Variants in PRKCH observed in about 807,000 individuals in gnomAD.
PRKCH encodes the protein protein kinase C eta type.
Under a neutral mutation model 82.5 loss-of-function variants are expected in PRKCH, and 28 were observed. The observed-to-expected ratio is 0.34, with a 90% confidence interval of 0.25 to 0.47. The LOEUF (loss-of-function observed/expected upper bound fraction) is 0.47. Among genes scored for constraint, PRKCH ranks in the 20% least tolerant of loss-of-function variants. PRKCH has a pLI of 1.00. For missense variants in PRKCH, 705 were observed against 881.8 expected (o/e 0.80, Z 2.54); for synonymous variants, 322 against 327.4 (o/e 0.98, Z 0.18).
At chr14:61,366,471 T>C (rs978695091) in intron 1 of PRKCH, among the ~76,000 whole-genome samples, 5 of 152,074 alleles carry the variant, frequency 3.3e-5, no homozygotes, top group African/African-American at 1.2e-4. Flanking sequence ...AGATCCAAAC[T>C]TAGAAGGAAA....
At chr14:61,335,205 A>G (rs1392634426) in intron 1 of PRKCH, among the ~76,000 whole-genome samples, 1 of 152,098 alleles carries the variant, frequency 6.6e-6, no homozygotes, top group East Asian at 1.9e-4. Flanking sequence ...AAAGTTTCTT[A>G]GGGGTGGGGT....
chr14:61,476,306 T>G (rs1885725101), intron 9 of PRKCH: 1 of 152,196 alleles, frequency 6.6e-6, no homozygotes, highest in Admixed American at 6.5e-5. Flanking sequence ...ATATCTCACT[T>G]AGTATCTGGG....
intron 10 of PRKCH, among the ~76,000 whole-genome samples, chr14:61,491,402 T>G (rs1028902266): frequency 1.3e-5 from 2 of 152,172 alleles, no homozygotes; most frequent in African/African-American, 4.8e-5. Context: ...ATGCCAGCCA[T>G]GGGAATGCTC....
At chr14:61,536,084 C>A (rs949722687) in intron 12 of PRKCH, among the ~76,000 whole-genome samples, 2 of 152,170 alleles carry the variant, frequency 1.3e-5, no homozygotes, top group African/African-American at 4.8e-5. Flanking sequence ...ACAGAAAGAG[C>A]TAATGATGTG....
At chr14:61,364,503 G>A (rs1014850137) in intron 1 of PRKCH, among the ~76,000 whole-genome samples, 3 of 151,942 alleles carry the variant, frequency 2.0e-5, no homozygotes, top group Admixed American at 6.6e-5. Flanking sequence ...GAAAGAAGGT[G>A]TGAGGACGTG....
intron 10 of PRKCH, 39 bp downstream of exon 10, chr14:61,485,695 C>T (rs755734204): frequency 3.1e-6 from 5 of 1,590,354 alleles, no homozygotes; most frequent in African/African-American, 1.3e-5. Context: ...AATTCACTGC[C>T]TCTTCCCTCT....
At chr14:61,360,138 T>C (rs1328551982) in intron 1 of PRKCH, among the ~76,000 whole-genome samples, 2 of 152,254 alleles carry the variant, frequency 1.3e-5, no homozygotes, top group African/African-American at 4.8e-5. Flanking sequence ...TGTTTTCTTA[T>C]ACAACTCAAA....
At chr14:61,209,223 A>G (rs2044550243) in intron 1 of PRKCH, among the ~76,000 whole-genome samples, 1 of 151,942 alleles carries the variant, frequency 6.6e-6, no homozygotes, top group East Asian at 1.9e-4. Flanking sequence ...AAAAACTGTA[A>G]GAAATGAATT....
At chr14:61,352,081 G>T (rs1293649945) in intron 1 of PRKCH, among the ~76,000 whole-genome samples, 2 of 152,084 alleles carry the variant, frequency 1.3e-5, no homozygotes, top group African/African-American at 4.8e-5. Flanking sequence ...GAACCCCTGG[G>T]TTCTAGTCCC....
chr14:61,432,602 T>C (rs1232269338), intron 2 of PRKCH, among the ~76,000 whole-genome samples: 1 of 152,228 alleles, frequency 6.6e-6, no homozygotes, highest in Non-Finnish European at 1.5e-5. Flanking sequence ...CTCAAAGTGC[T>C]GGGATTACAG....
chr14:61,369,283 A>G (rs2046337363), intron 1 of PRKCH, among the ~76,000 whole-genome samples: 1 of 152,024 alleles, frequency 6.6e-6, no homozygotes, highest in African/African-American at 2.4e-5. Context: ...CTGCATTTCT[A>G]ACAAGTTCCC....
chr14:61,271,080 AGTGCT>A (rs2045148744), intron 1 of PRKCH, among the ~76,000 whole-genome samples: 1 of 152,196 alleles, frequency 6.6e-6, no homozygotes, highest in African/African-American at 2.4e-5. Flanking sequence ...TGTTATTATC[AGTGCT>A]GAAGAGTGTA....
chr14:61,448,353 A>G (rs1042675587), intron 4 of PRKCH, among the ~76,000 whole-genome samples: 3 of 152,262 alleles, frequency 2.0e-5, no homozygotes, highest in Non-Finnish European at 2.9e-5. Flanking sequence ...TCTGCAGTGT[A>G]TCACTTATCT....
intron 1 of PRKCH, among the ~76,000 whole-genome samples, chr14:61,188,732 T>A (rs1380931297): frequency 4.7e-5 from 7 of 147,438 alleles, no homozygotes; most frequent in Non-Finnish European, 1.1e-4. Flanking sequence ...TGTGTGTGTG[T>A]GTGTGTGATG....
chr14:61,433,034 C>G (rs894113558), intron 2 of PRKCH, among the ~76,000 whole-genome samples: 73 of 74,872 alleles, frequency 9.7e-4, no homozygotes, highest in African/African-American at 5.5e-3. Context: ...CCTCACCCCC[C>G]AACCTCTTCA....
At chr14:61,438,827 A>G (rs1317578369) in intron 2 of PRKCH, among the ~76,000 whole-genome samples, 1 of 152,246 alleles carries the variant, frequency 6.6e-6, no homozygotes, top group Non-Finnish European at 1.5e-5. Flanking sequence ...TTTATGAAAT[A>G]TAATTTTAGT....
intron 1 of PRKCH, among the ~76,000 whole-genome samples, chr14:61,234,616 A>C (rs1866351100): frequency 6.6e-6 from 1 of 152,322 alleles, no homozygotes; most frequent in South Asian, 2.1e-4. Context: ...TTAAACTATT[A>C]CTCTGAGAAG....
intron 10 of PRKCH, among the ~76,000 whole-genome samples, chr14:61,523,828 A>T (rs1252707154): frequency 6.6e-6 from 1 of 152,236 alleles, no homozygotes; most frequent in Non-Finnish European, 1.5e-5. Context: ...AGATTCAGAT[A>T]TTAAAATGTG....
intron 13 of PRKCH, among the ~76,000 whole-genome samples, chr14:61,548,500 G>A (rs534266010): frequency 2.6e-5 from 4 of 152,236 alleles, no homozygotes; most frequent in Admixed American, 2.0e-4. Flanking sequence ...AGCTGAGCTC[G>A]TGCTCATCTG....
Sources: gnomAD v4.1 joint callset for allele counts (sites outside exome capture counted in the v4.1 genomes callset) on GRCh38, gnomAD v4.1.1 for gene constraint, MANE v1.5 for transcripts, NCBI Gene and HGNC (gene_info 2026-07-23, HGNC 2026-07-21) for gene names.